The following MAPK11 variants were observed in gnomAD, a reference collection of about 807,000 sequenced individuals.
The protein encoded by MAPK11 is MAP kinase 11.
MAPK11 carries 44 observed loss-of-function variants against 52.2 expected under a neutral mutation model. That is an observed-to-expected ratio of 0.84 (90% confidence interval 0.66 to 1.08). MAPK11 has a LOEUF of 1.08. Ranked by LOEUF, MAPK11 falls within the 50% of genes least tolerant of loss-of-function variation. The pLI is 0.00. For missense variants in MAPK11, 436 were observed against 494.7 expected, an observed-to-expected ratio of 0.88 and a Z score of 1.13; for synonymous variants, 233 against 206.3, an observed-to-expected ratio of 1.13 and a Z score of -1.11.
At chr22:50,266,450 G>A in intron 8 of MAPK11, 90 bp downstream of exon 8, 4 of 1,412,208 alleles carry the variant, frequency 2.8e-6, no homozygotes, top group Non-Finnish European at 2.9e-6. Flanking sequence ...GGGCAGAGGA[G>A]GCAAGACCCG....
At chr22:50,269,779 T>A (rs1170038930) in intron 1 of MAPK11, among the ~76,000 whole-genome samples, 2 of 152,076 alleles carry the variant, frequency 1.3e-5, no homozygotes, top group African/African-American at 4.8e-5. Flanking sequence ...GGGAGGGTCA[T>A]CCGCTAGACC....
At chr22:50,269,419 A>T (rs2065290436) in intron 1 of MAPK11, among the ~76,000 whole-genome samples, 1 of 152,200 alleles carries the variant, frequency 6.6e-6, no homozygotes, top group Non-Finnish European at 1.5e-5. Context: ...AGTGGGCAGC[A>T]GCTAAGCGGC....
intron 1 of MAPK11, among the ~76,000 whole-genome samples, chr22:50,269,098 A>G (rs2065288304): frequency 2.0e-5 from 3 of 152,078 alleles, no homozygotes; most frequent in Non-Finnish European, 2.9e-5. Flanking sequence ...CCAGACGGCG[A>G]GTCCAGCCAT....
intron 9 of MAPK11, 62 bp from the exon 10 acceptor site, chr22:50,265,722 G>GGCAA: frequency 9.0e-7 from 1 of 1,112,166 alleles, no homozygotes; most frequent in Non-Finnish European, 1.3e-6. Flanking sequence ...GCCCCAAACT[G>GGCAA]GGGCTTCTCT....
At chr22:50,267,509 AG>A in intron 3 of MAPK11, 27 bp from the exon 4 acceptor site, 1 of 1,579,840 alleles carries the variant, frequency 6.3e-7, no homozygotes, top group Non-Finnish European at 8.6e-7. Context: ...GGGTCAGGAC[AG>A]GGCCCCACCG....
intron 9 of MAPK11, 73 bp downstream of exon 9, chr22:50,266,153 A>G (rs1410046254): frequency 7.8e-7 from 1 of 1,282,756 alleles, no homozygotes; most frequent in Non-Finnish European, 1.1e-6. Flanking sequence ...GCATTTCCAC[A>G]CCACCCTCTC....
At chr22:50,269,383 G>C (rs2065290169) in intron 1 of MAPK11, among the ~76,000 whole-genome samples, 1 of 152,196 alleles carries the variant, frequency 6.6e-6, no homozygotes, top group South Asian at 2.1e-4. Context: ...GGCTGCCTCT[G>C]CCTTTGCGCC....
chr22:50,266,696 G>A, intron 7 of MAPK11, 85 bp from the exon 8 acceptor site: 1 of 1,342,706 alleles, frequency 7.4e-7, no homozygotes, highest in Non-Finnish European at 1.1e-6. Context: ...CAGACCCCAA[G>A]ATGGGCAGAC....
intron 9 of MAPK11, 151 bp downstream of exon 9, chr22:50,266,075 C>T (rs2065259799): frequency 3.1e-6 from 2 of 641,162 alleles, no homozygotes; most frequent in South Asian, 2.0e-5. Context: ...CTCCTGTTTC[C>T]CCTGCAGGGA....
intron 8 of MAPK11, 74 bp from the exon 9 acceptor site, chr22:50,266,379 G>C: frequency 6.9e-7 from 1 of 1,458,638 alleles, no homozygotes; most frequent in Non-Finnish European, 9.4e-7. Context: ...ACTTTGGGGC[G>C]CTGCCCAGAG....
In MAPK11 at chr22:50,267,593, G is replaced by C; in HGVS notation, c.281C>G (p.Thr94Arg). The change falls in exon 3 of 12, where the codon ACG (threonine) becomes AGG (arginine). Residue 94 changes from threonine to arginine, a missense_variant. Physicochemically the swap from Thr to Arg is moderately conservative, Grantham distance 71. Transcript: ENST00000330651. ...IGLLDVFTPA[T>R]SIEDFSEVYL... ...CACTTCGCTGAAGTCCTCGATGGAC[G>C]TGGCCGGCGTGAAGACGTCCAGAAG... 2 of 1,544,996 alleles carry C rather than the reference G, an allele frequency of 1.3e-6. No individual in the cohort carries two copies. Among genetic ancestry groups the C allele is most frequent in the Non-Finnish European group, 1.7e-6 (2 of 1,145,534 alleles).
rs1455281350 is a variant in MAPK11, at chr22:50,265,737, A to G, written c.763-77T>C. The G allele has an allele frequency of 8.8e-6, 8 of 912,000 alleles. No homozygotes were observed. In the Admixed American group the frequency reaches 2.0e-4, roughly 23 times the overall value. 56.5% of individuals were successfully genotyped at this position (912,000 alleles called of 1,614,324 possible). On this transcript the variant is annotated intron_variant, in intron 9 of 11. Transcript: ENST00000330651. ...GCCCCAAACTGGGGCTTCTCTTGGCAAGCCCCCAGACTCATTCACTCCAAC... is the reference window on the plus strand; with the variant it reads ...GCCCCAAACTGGGGCTTCTCTTGGCGAGCCCCCAGACTCATTCACTCCAAC...
At chr22:50,266,132 A>G (rs1351551845) in intron 9 of MAPK11, 94 bp downstream of exon 9, 5 of 1,034,408 alleles carry the variant, frequency 4.8e-6, no homozygotes, top group South Asian at 1.6e-5. Flanking sequence ...CATGTTCCCC[A>G]TATGGTCCCC....
In MAPK11 at chr22:50,265,643, C is replaced by G; in HGVS notation, c.780G>C (p.Gln260His). The change falls in exon 10 of 12, where the codon CAG (glutamine) becomes CAC (histidine). Residue 260 changes from glutamine to histidine, a missense_variant. By Grantham distance (24) the Gln-to-His change is conservative (BLOSUM62 0). Coordinates refer to ENST00000330651, the MANE Select transcript of MAPK11 (RefSeq NM_002751.7). The part of the protein sequence containing the change: ...ISSEHARTYI[Q>H]SLPPMPQKDL... ...CCTTCTGGGGCATGGGGGGCAGGGA[C>G]TGGATATATGTCCGGGCCTGGGGGC... 6.3e-7 allele frequency: 1 copy of G among 1,591,942 alleles called. No individual in the cohort carries two copies. The highest frequency in any genetic ancestry group is 8.6e-7 in the Non-Finnish European group (1 of 1,167,714).
At chr22:50,269,682 G>T (rs771694547) in intron 1 of MAPK11, among the ~76,000 whole-genome samples, 3 of 152,224 alleles carry the variant, frequency 2.0e-5, no homozygotes, top group Non-Finnish European at 4.4e-5. Flanking sequence ...TGGTCTGAGG[G>T]GGAGTCTGAG....
Position 50,270,115 on chromosome 22 carries a change from A to G in MAPK11, c.116+62T>C. The G allele has an allele frequency of 1.2e-6, 1 of 851,486 alleles. No individual in the cohort carries two copies. 52.7% of individuals were successfully genotyped at this position (851,486 alleles called of 1,614,324 possible). The stretch of plus-strand genomic sequence containing the variant: ...CGCCGAGAACCTCGCGCGGGCGAGG[A>G]GGGGACGCGCTCTCCGGCCCGGCCC... On this transcript the variant is annotated intron_variant, in intron 1 of 11. Transcript: ENST00000330651. This position sits in a 1 kb window ranked among gnomAD's most constrained non-coding sequence, Gnocchi z 6.3.
intron 1 of MAPK11, among the ~76,000 whole-genome samples, chr22:50,268,339 T>TG (rs1182714616): frequency 6.6e-6 from 1 of 152,178 alleles, no homozygotes; most frequent in Non-Finnish European, 1.5e-5. Flanking sequence ...GGCCTCCCTC[T>TG]GCCCCATAGA....
In MAPK11 at chr22:50,267,559, C is replaced by T. The variant is rs759768511; in HGVS notation, c.305+10G>A. On this transcript the variant is annotated intron_variant, in intron 3 of 11. Coordinates refer to ENST00000330651, the MANE Select transcript of MAPK11 (RefSeq NM_002751.7). ...GCGCTCCCCGCTGCCTCGCCCGCCCCGCCGCTCACACTTCGCTGAAGTCCT... is the reference window on the plus strand; with the variant it reads ...GCGCTCCCCGCTGCCTCGCCCGCCCTGCCGCTCACACTTCGCTGAAGTCCT... 1.9e-6 allele frequency: 3 copies of T among 1,545,782 alleles called. No individual in the cohort carries two copies. Among genetic ancestry groups the T allele is most frequent in the Non-Finnish European group, 2.6e-6 (3 of 1,144,082 alleles).
rs1403333741 is a variant in MAPK11, at chr22:50,265,008, G to C, written c.1035C>G (p.Val345=). 3.1e-6 allele frequency: 5 copies of C among 1,613,376 alleles called. No homozygotes were observed. Among genetic ancestry groups the C allele is most frequent in the Non-Finnish European group, 4.2e-6 (5 of 1,179,798 alleles). ...EEWKELTYQE[V]LSFKPPEPPK... ...GTGGCTCTGGGGGCTTGAAGCTGAG[G>C]ACTTCCTGGTAAGTGAGCTCTAGGA... Residue 345 remains valine (V), a synonymous_variant, in exon 12 of 12, where the codon GTC becomes GTG. Transcript: ENST00000330651.
Sources: gnomAD v4.1 joint callset for allele counts (sites outside exome capture counted in the v4.1 genomes callset) on GRCh38, gnomAD v4.1.1 for gene constraint, Gnocchi (gnomAD v3.1) non-coding constraint, MANE v1.5 for transcripts, NCBI Gene and HGNC (gene_info 2026-07-23, HGNC 2026-07-21) for gene names.